The following ZFHX3 variants were observed in gnomAD, a reference collection of about 807,000 sequenced individuals.
ZFHX3 encodes the protein zinc finger homeobox protein 3.
A neutral mutation model predicts 279.1 loss-of-function variants in ZFHX3; 42 were observed. The ratio of observed to expected loss-of-function variants is 0.15; its 90% CI spans 0.12 to 0.19. The LOEUF is 0.19. Among genes scored for constraint, ZFHX3 ranks in the 10% least tolerant of loss-of-function variants. The pLI is 1.00. For synonymous variants in ZFHX3, 2,293 were observed against 1,957.8 expected (o/e 1.17, Z -4.52); for missense variants, 4,981 against 4,754.0 (o/e 1.05, Z -1.40).
At chr16:72,830,522 G>C (rs1349217848) in intron 4 of ZFHX3, among the ~76,000 whole-genome samples, 1 of 152,244 alleles carries the variant, frequency 6.6e-6, no homozygotes, top group Non-Finnish European at 1.5e-5. Context: ...ATTTGTAACA[G>C]AGTCGTACAC....
At chr16:73,824,041 T>C (rs771830760) in intron 1 of ZFHX3, among the ~76,000 whole-genome samples, 14 of 152,274 alleles carry the variant, frequency 9.2e-5, no homozygotes, top group Middle Eastern at 3.4e-3. Context: ...CCTTAAGGAA[T>C]TATACAGGGG....
At chr16:73,027,708 G>A (rs1255240642) in intron 1 of ZFHX3, among the ~76,000 whole-genome samples, 1 of 152,116 alleles carries the variant, frequency 6.6e-6, no homozygotes, top group Non-Finnish European at 1.5e-5. Flanking sequence ...TCAGTAAGAA[G>A]AAATCTGGCC....
At chr16:72,896,410 A>AAC (rs1301039551) in intron 3 of ZFHX3, among the ~76,000 whole-genome samples, 1 of 152,144 alleles carries the variant, frequency 6.6e-6, no homozygotes, top group African/African-American at 2.4e-5. Context: ...CACTGAGAAG[A>AAC]ACACAGCAAA....
chr16:73,558,121 T>C (rs2020314747), intron 2 of ZFHX3: 1 of 152,176 alleles, frequency 6.6e-6, no homozygotes, highest in Non-Finnish European at 1.5e-5. Flanking sequence ...AAAGCACCAG[T>C]AGGGAGAATG....
In ZFHX3 at chr16:73,248,665, G is replaced by GTGTGTGCGCA. The variant is rs888285257; in HGVS notation, c.-1104+8381_-1104+8382insTGCGCACACA. ...AATGTATGTGTGTGTGTGTGTGTGT[G>GTGTGTGCGCA]CACGTGCACGTGTGTGTTGTGGCTC... On this transcript the variant is annotated intron_variant, in intron 5 of 17. Coordinates refer to the ZFHX3 transcript ENST00000641206. Among the ~76,000 whole-genome samples, 338 of 150,450 alleles carry GTGTGTGCGCA rather than the reference G, an allele frequency of 2.2e-3. 1 individual carries two copies. Among genetic ancestry groups the GTGTGTGCGCA allele is most frequent in the African/African-American group, 7.3e-3 (300 of 41,098 alleles).
At chr16:73,464,325 G>T (rs749159639) in intron 2 of ZFHX3, among the ~76,000 whole-genome samples, 24 of 152,060 alleles carry the variant, frequency 1.6e-4, no homozygotes, top group Non-Finnish European at 3.2e-4. Context: ...GTGATTGCAA[G>T]CAATTACAGT....
At chr16:73,464,844 T>C (rs1039517241) in intron 2 of ZFHX3, among the ~76,000 whole-genome samples, 1 of 152,154 alleles carries the variant, frequency 6.6e-6, no homozygotes, top group Non-Finnish European at 1.5e-5. Flanking sequence ...AATGGGAAAG[T>C]TCATTTTCCT....
intron 4 of ZFHX3, among the ~76,000 whole-genome samples, chr16:72,840,415 C>T (rs896653734): frequency 6.6e-6 from 1 of 152,114 alleles, no homozygotes; most frequent in African/African-American, 2.4e-5. Context: ...GGAGGGGCGG[C>T]CATGCAGGCC....
At chr16:73,778,687 G>C (rs1959346784) in intron 1 of ZFHX3, among the ~76,000 whole-genome samples, 1 of 152,208 alleles carries the variant, frequency 6.6e-6, no homozygotes, top group Non-Finnish European at 1.5e-5. Flanking sequence ...AAAGGATTTA[G>C]AAAGGTCTGA....
In ZFHX3 at chr16:72,788,641, G is replaced by T. The variant is rs142960496; in HGVS notation, c.9635C>A (p.Pro3212Gln). Residue 3212 changes from proline (P) to glutamine (Q), a missense_variant, in exon 10 of 10, where the codon CCG (proline) becomes CAG (glutamine). Physicochemically the swap from Pro to Gln is moderately conservative, Grantham distance 76. Around this residue, in one of 7 missense-constraint regions of ZFHX3, gnomAD observed 1,034 missense variants for 786.0 expected, o/e 1.32. Transcript: ENST00000268489. ...QQQPQVQQPP[P>Q]PPAAQPPPTP... ...GGGTGGCGGCTGGGCTGCTGGCGGCGGGGGAGGCTGCTGCACCTGTGGTTG... is the reference window on the plus strand; with the variant it reads ...GGGTGGCGGCTGGGCTGCTGGCGGCTGGGGAGGCTGCTGCACCTGTGGTTG... 1.3e-5 allele frequency: 21 copies of T among 1,613,200 alleles called. No homozygotes were observed. The highest frequency in any genetic ancestry group is 1.7e-5 in the Non-Finnish European group (20 of 1,179,740).
At chr16:72,994,423 G>A (rs1963203980) in intron 1 of ZFHX3, among the ~76,000 whole-genome samples, 1 of 152,158 alleles carries the variant, frequency 6.6e-6, no homozygotes, top group African/African-American at 2.4e-5. Context: ...TGCCATTTCT[G>A]GGATTCCCCC....
chr16:73,286,016 G>T (rs1048027271), intron 4 of ZFHX3, among the ~76,000 whole-genome samples: 5 of 152,068 alleles, frequency 3.3e-5, no homozygotes, highest in African/African-American at 9.7e-5. Context: ...CATAATATGC[G>T]CAGAAAAGCA....
chr16:72,922,280 G>T (rs2039604746), intron 3 of ZFHX3, among the ~76,000 whole-genome samples: 1 of 152,122 alleles, frequency 6.6e-6, no homozygotes, highest in Admixed American at 6.5e-5. Flanking sequence ...GTTTGGTTCT[G>T]CACTCAGCTG....
chr16:73,649,335 T>G (rs1228633086), intron 2 of ZFHX3, among the ~76,000 whole-genome samples: 1 of 152,182 alleles, frequency 6.6e-6, no homozygotes, highest in African/African-American at 2.4e-5. Flanking sequence ...TCTCTATTGT[T>G]CTCTACTCAA....
At position 73,568,917 on chromosome 16, in the gene ZFHX3, C is replaced by T. The variant is rs12931521; in HGVS notation, c.-1547+111263G>A. On this transcript the variant is annotated intron_variant, in intron 2 of 17. Coordinates refer to the ZFHX3 transcript ENST00000641206. ...GGGTGAGCTGCCGGTGGAAAGCCTC[C>T]GAGATAAGAAGATTACAGAATGTCA... Among the ~76,000 whole-genome samples, 656 of 152,170 alleles carry T rather than the reference C, an allele frequency of 4.3e-3. 4 individuals are homozygous for T. Among genetic ancestry groups the T allele is most frequent in the Non-Finnish European group, 6.7e-3 (454 of 68,000 alleles).
intron 7 of ZFHX3, among the ~76,000 whole-genome samples, chr16:73,118,461 G>C (rs751834040): frequency 6.6e-6 from 1 of 152,020 alleles, no homozygotes; most frequent in South Asian, 2.1e-4. Flanking sequence ...TACCTGCCCC[G>C]CCTCCCAAAG....
intron 1 of ZFHX3, among the ~76,000 whole-genome samples, chr16:72,996,619 C>T (rs1963303877): frequency 6.6e-6 from 1 of 152,188 alleles, no homozygotes; most frequent in South Asian, 2.1e-4. Context: ...GCCTACAAGG[C>T]GGGGAGGGGC....
intron 2 of ZFHX3, among the ~76,000 whole-genome samples, chr16:73,582,347 T>C (rs1449892964): frequency 6.6e-6 from 1 of 151,928 alleles, no homozygotes. Context: ...CCTAAAGTTG[T>C]GATGTATTCA....
At chr16:72,875,186 G>A (rs1370945886) in intron 4 of ZFHX3, among the ~76,000 whole-genome samples, 1 of 152,122 alleles carries the variant, frequency 6.6e-6, no homozygotes, top group Non-Finnish European at 1.5e-5. Context: ...ATTCCCATAG[G>A]GAACTCCCAT....
Sources: allele counts gnomAD v4.1 joint callset (sites outside exome capture counted in the v4.1 genomes callset), GRCh38; gene constraint gnomAD v4.1.1; regional missense constraint gnomAD v4.1.1; transcripts MANE v1.5; gene names NCBI Gene and HGNC (gene_info 2026-07-23, HGNC 2026-07-21).